CADM2: variants seen among roughly 807,000 people sequenced by gnomAD.
The protein encoded by CADM2 is immunoglobulin superfamily member 4D.
A neutral mutation model predicts 49.8 loss-of-function variants in CADM2; 12 were observed. The observed-to-expected ratio is 0.24, with a 90% confidence interval of 0.15 to 0.39. CADM2 has a LOEUF of 0.39. CADM2 is among the 10% of genes least tolerant of loss of function. The pLI, the probability that CADM2 is intolerant of heterozygous loss-of-function variation, is 1.00. For missense variants in CADM2, 378 were observed against 492.3 expected (o/e 0.77, Z 2.20); for synonymous variants, 214 against 175.4 (o/e 1.22, Z -1.74).
At chr3:85,076,950 C>A (rs2036968678) in intron 1 of CADM2, among the ~76,000 whole-genome samples, 1 of 152,098 alleles carries the variant, frequency 6.6e-6, no homozygotes, top group Admixed American at 6.6e-5. Flanking sequence ...CCAGCCTGGG[C>A]ACCAGAGAGA....
At chr3:85,756,412 T>A (rs936765826) in intron 2 of CADM2, among the ~76,000 whole-genome samples, 8 of 152,206 alleles carry the variant, frequency 5.3e-5, no homozygotes, top group Admixed American at 4.6e-4. Context: ...TATCTACATA[T>A]ATACATGATC....
chr3:86,052,971 T>C (rs967152754), intron 8 of CADM2, among the ~76,000 whole-genome samples: 9 of 152,110 alleles, frequency 5.9e-5, no homozygotes, highest in Admixed American at 4.6e-4. Flanking sequence ...ACATTCTTAA[T>C]GATAATAAGG....
intron 7 of CADM2, among the ~76,000 whole-genome samples, chr3:85,944,632 T>A (rs1478117379): frequency 2.0e-5 from 3 of 151,794 alleles, no homozygotes; most frequent in African/African-American, 7.3e-5. Flanking sequence ...TCAAAACTGC[T>A]CAACTACATG....
At chr3:84,961,580 CCT>C (rs2030520149) in intron 1 of CADM2, among the ~76,000 whole-genome samples, 1 of 152,238 alleles carries the variant, frequency 6.6e-6, no homozygotes, top group African/African-American at 2.4e-5. Flanking sequence ...CCCTACTTCA[CCT>C]CTCAGTAACT....
At chr3:85,561,206 C>T (rs1347607456) in intron 1 of CADM2, among the ~76,000 whole-genome samples, 1 of 150,292 alleles carries the variant, frequency 6.7e-6, no homozygotes, top group African/African-American at 2.4e-5. Flanking sequence ...TCAGATGCTA[C>T]ACAATACTTG....
intron 1 of CADM2, among the ~76,000 whole-genome samples, chr3:85,639,708 G>T (rs2064645866): frequency 6.6e-6 from 1 of 152,016 alleles, no homozygotes; most frequent in Non-Finnish European, 1.5e-5. Flanking sequence ...TTTGGAGAAC[G>T]GCTTCTAATA....
intron 1 of CADM2, among the ~76,000 whole-genome samples, chr3:85,616,869 A>G (rs2063814140): frequency 6.6e-6 from 1 of 152,218 alleles, no homozygotes; most frequent in African/African-American, 2.4e-5. Context: ...ACTGAATCAT[A>G]TAAACAGAAG....
chr3:85,072,952 A>G (rs2036814294), intron 1 of CADM2, among the ~76,000 whole-genome samples: 1 of 152,062 alleles, frequency 6.6e-6, no homozygotes, highest in African/African-American at 2.4e-5. Flanking sequence ...ATTGCTATAG[A>G]TAACATTAGG....
chr3:85,373,042 T>C (rs898264766), intron 1 of CADM2, among the ~76,000 whole-genome samples: 3 of 152,130 alleles, frequency 2.0e-5, no homozygotes, highest in African/African-American at 7.2e-5. Context: ...CCAAATCCCA[T>C]GTCTTCACAT....
chr3:85,382,476 A>C (rs1177698726), intron 1 of CADM2, among the ~76,000 whole-genome samples: 1 of 152,160 alleles, frequency 6.6e-6, no homozygotes, highest in East Asian at 1.9e-4. Context: ...TTCTTAACTC[A>C]TTCTGCTTCC....
intron 1 of CADM2, among the ~76,000 whole-genome samples, chr3:85,354,642 G>GAGAGAGAGAGAGAGAGAGAGAGAGAGAC (rs1328548652): frequency 6.6e-6 from 1 of 150,484 alleles, no homozygotes; most frequent in Non-Finnish European, 1.5e-5. Flanking sequence ...GAGAGAGAGA[G>GAGAGAGAGAGAGAGAGAGAGAGAGAGAC]AAGCCTATTC....
chr3:85,647,629 G>C (rs1474206986), intron 1 of CADM2, among the ~76,000 whole-genome samples: 4 of 151,574 alleles, frequency 2.6e-5, no homozygotes, highest in African/African-American at 9.7e-5. Context: ...TTGACTTTTA[G>C]AAAAATTCAT....
chr3:85,031,177 A>G (rs1394046058), intron 1 of CADM2, among the ~76,000 whole-genome samples: 1 of 152,164 alleles, frequency 6.6e-6, no homozygotes, highest in East Asian at 1.9e-4. Flanking sequence ...CGACGGCCAT[A>G]AACACCCAGA....
At chr3:85,745,269 T>A (rs2068568459) in intron 2 of CADM2, among the ~76,000 whole-genome samples, 1 of 152,160 alleles carries the variant, frequency 6.6e-6, no homozygotes. Context: ...TTGTTAAAAA[T>A]AAAAAATCTC....
At chr3:85,160,393 T>A (rs2040283281) in intron 1 of CADM2, among the ~76,000 whole-genome samples, 1 of 152,148 alleles carries the variant, frequency 6.6e-6, no homozygotes, top group South Asian at 2.1e-4. Flanking sequence ...AACCAGTTTC[T>A]TATTGGAAAT....
At chr3:85,344,768 AT>A (rs1404829966) in intron 1 of CADM2, among the ~76,000 whole-genome samples, 1 of 152,104 alleles carries the variant, frequency 6.6e-6, no homozygotes, top group Non-Finnish European at 1.5e-5. Flanking sequence ...GTACATTTGA[AT>A]CTACATTCCA....
intron 1 of CADM2, among the ~76,000 whole-genome samples, chr3:85,018,044 A>T (rs1235995889): frequency 6.6e-6 from 1 of 152,188 alleles, no homozygotes. Context: ...AATTCCTAGT[A>T]ACCTTCTAGT....
intron 1 of CADM2, among the ~76,000 whole-genome samples, chr3:85,601,621 T>C (rs770631808): frequency 4.0e-5 from 6 of 151,584 alleles, no homozygotes; most frequent in Non-Finnish European, 5.9e-5. Flanking sequence ...TTAGGCTAAT[T>C]TACACTATTT....
intron 1 of CADM2, among the ~76,000 whole-genome samples, chr3:85,023,817 GA>G (rs1483055460): frequency 6.6e-6 from 1 of 151,806 alleles, no homozygotes. Flanking sequence ...TTGGATGCTT[GA>G]AATAGTTGTG....
Sources: allele counts gnomAD v4.1 joint callset (sites outside exome capture counted in the v4.1 genomes callset), GRCh38; gene constraint gnomAD v4.1.1; transcripts MANE v1.5; gene names NCBI Gene and HGNC (gene_info 2026-07-23, HGNC 2026-07-21).